The following YEATS2 variants were observed in gnomAD, a reference collection of about 807,000 sequenced individuals.
YEATS2 encodes YEATS domain-containing protein 2.
In YEATS2, 77 loss-of-function variants were observed where a neutral mutation model predicts 163.2. The observed-to-expected ratio is 0.47, with a 90% CI of 0.39 to 0.57. The LOEUF (loss-of-function observed/expected upper bound fraction) is 0.57. YEATS2 is among the 20% of genes least tolerant of loss of function. The pLI is 0.00. For missense variants in YEATS2, 1,549 were observed against 1,729.8 expected (o/e 0.90, Z 1.85); for synonymous variants, 631 against 645.1 (o/e 0.98, Z 0.33).
intron 9 of YEATS2, among the ~76,000 whole-genome samples, chr3:183,751,414 A>G (rs542514354): frequency 6.6e-6 from 1 of 152,238 alleles, no homozygotes; most frequent in Non-Finnish European, 1.5e-5. Context: ...TATTCATCAT[A>G]TAATAATCAG....
At chr3:183,777,292 G>A (rs1392461407) in intron 18 of YEATS2, among the ~76,000 whole-genome samples, 1 of 152,220 alleles carries the variant, frequency 6.6e-6, no homozygotes, top group East Asian at 1.9e-4. Context: ...TGAGGACTAA[G>A]TTGCAAAACA....
intron 7 of YEATS2, among the ~76,000 whole-genome samples, chr3:183,729,116 C>A (rs1206432433): frequency 2.0e-5 from 3 of 152,012 alleles, no homozygotes; most frequent in Non-Finnish European, 2.9e-5. Context: ...ACTAAAGATA[C>A]AAAAAATTAG....
chr3:183,761,480 G>A (rs143744957), intron 13 of YEATS2, 27 bp from the exon 14 acceptor site: 16 of 1,587,258 alleles, frequency 1.0e-5, no homozygotes, highest in African/African-American at 2.7e-5. Context: ...TCTCCTGATT[G>A]TAAAATATGT....
In YEATS2 at chr3:183,751,184, C is replaced by T. The variant is rs1194955553; in HGVS notation, c.970-889C>T. On this transcript the variant is annotated intron_variant, in intron 9 of 30. Transcript: ENST00000305135. ...ATATGGATATCCAGTTTCCCTGGCACCATTTGCTGAAAATACTGTCTTTTC... is the reference window on the plus strand; with the variant it reads ...ATATGGATATCCAGTTTCCCTGGCATCATTTGCTGAAAATACTGTCTTTTC... 3.3e-5 allele frequency among the ~76,000 whole-genome samples: 5 copies of T among 152,338 alleles called. No homozygotes were observed. In the South Asian group the frequency reaches 8.3e-4, roughly 25 times the overall value.
chr3:183,724,655 T>C (rs1314143150), intron 6 of YEATS2, 124 bp downstream of exon 6: 7 of 685,808 alleles, frequency 1.0e-5, no homozygotes, highest in Non-Finnish European at 1.6e-5. Flanking sequence ...CTTAGTTGTT[T>C]AAAAAGTAAA....
intron 12 of YEATS2, among the ~76,000 whole-genome samples, chr3:183,757,969 T>C (rs181376221): frequency 7.3e-4 from 111 of 152,320 alleles, no homozygotes; most frequent in African/African-American, 2.5e-3. Context: ...AGTAAATGAT[T>C]AAATACTATT....
intron 21 of YEATS2, among the ~76,000 whole-genome samples, chr3:183,792,413 G>T (rs1724743795): frequency 6.6e-6 from 1 of 152,126 alleles, no homozygotes; most frequent in Non-Finnish European, 1.5e-5. Context: ...TTCTGTTCCT[G>T]TGTTCGTTTG....
chr3:183,793,370 T>A (rs914356356), intron 21 of YEATS2: 131 of 1,089,818 alleles, frequency 1.2e-4, no homozygotes, highest in Non-Finnish European at 1.4e-4. Flanking sequence ...ACCTCCCTGT[T>A]AAAATTGACC....
rs1720786609 is a variant in YEATS2, at chr3:183,756,559, A to G, written c.1422A>G (p.Pro474=). ...GSPISTPSPS[P]LPRTPTSTPV... The stretch of plus-strand genomic sequence containing the variant: ...CAATATCAACTCCAAGCCCATCACC[A>G]TTGCCTCGAACCCCGACTTCCACTC... The change falls in exon 12 of 31, where the codon CCA becomes CCG. Residue 474 remains proline (P), a synonymous_variant. Transcript: ENST00000305135. 2 of 1,599,492 alleles carry G rather than the reference A, an allele frequency of 1.3e-6. No homozygotes were observed. The highest frequency in any genetic ancestry group is 1.3e-5 in the African/African-American group (1 of 74,332).
At chr3:183,732,499 T>C (rs1275629780) in intron 7 of YEATS2, among the ~76,000 whole-genome samples, 1 of 152,004 alleles carries the variant, frequency 6.6e-6, no homozygotes, top group African/African-American at 2.4e-5. Flanking sequence ...CCAGGGTCTA[T>C]CATAGTTCCT....
intron 20 of YEATS2, among the ~76,000 whole-genome samples, chr3:183,789,138 A>G (rs1724346621): frequency 6.6e-6 from 1 of 152,028 alleles, no homozygotes; most frequent in Non-Finnish European, 1.5e-5. Context: ...ATGTGATCCC[A>G]TTTATACATT....
Position 183,762,284 on chromosome 3 carries a change from G to A in YEATS2, c.1947+5G>A. 6.3e-7 allele frequency: 1 copy of A among 1,577,584 alleles called. No homozygotes were observed. The highest frequency in any genetic ancestry group is 1.8e-5 in the Admixed American group (1 of 54,600). ...GCAAAGGTTCAGCCCTCCAAGGTTTGTGTTGGGTAGAGATGGGAAATTTCA... is the reference window on the plus strand; with the variant it reads ...GCAAAGGTTCAGCCCTCCAAGGTTTATGTTGGGTAGAGATGGGAAATTTCA... On this transcript the variant is annotated splice_donor_5th_base_variant and intron_variant, in intron 15 of 30. Transcript: ENST00000305135.
Position 183,806,874 on chromosome 3 carries a change from T to C in YEATS2, c.3793T>C (p.Ser1265Pro). The C allele has an allele frequency of 1.2e-6, 2 of 1,613,920 alleles. No homozygotes were observed. Among genetic ancestry groups the C allele is most frequent in the Non-Finnish European group, 1.7e-6 (2 of 1,179,876 alleles). The change falls in exon 28 of 31, where the codon TCA becomes CCA. Residue 1265 changes from serine to proline, a missense_variant. Coordinates refer to ENST00000305135, the MANE Select transcript of YEATS2 (RefSeq NM_018023.5). ...GCTTGCCTGTCATTTAGAGTGCCCA[T>C]CATCATTCTCCTCTGCTGACAACCT... The part of the protein sequence containing the change: ...TQIDSEPECP[S>P]SFSSADNLCR...
chr3:183,702,835 A>C (rs550963106), intron 1 of YEATS2, among the ~76,000 whole-genome samples: 32 of 148,512 alleles, frequency 2.2e-4, no homozygotes, highest in African/African-American at 6.1e-4. Context: ...CTCTCTCTCA[A>C]AAAAAAAAAA....
chr3:183,711,208 T>C (rs573630914), intron 1 of YEATS2, among the ~76,000 whole-genome samples: 163 of 152,226 alleles, frequency 1.1e-3, no homozygotes, highest in South Asian at 4.4e-3. Flanking sequence ...CAGTGGCTCA[T>C]GCCTGTAATC....
In YEATS2 at chr3:183,806,779, C is replaced by T. The variant is rs2242123; in HGVS notation, c.3785-87C>T. 3 of 1,392,842 alleles carry T rather than the reference C, an allele frequency of 2.2e-6. No homozygotes were observed. The Admixed American group carries it at 5.9e-5, about 27-fold the overall frequency. 86.3% of individuals were successfully genotyped at this position (1,392,842 alleles called of 1,614,324 possible). Reference sequence around the variant, plus strand: ...GTCAGCTCCCCTGATGCTTATCCCCCTTCCTCAGACCATGGGTCTCTTGGA... The same window carrying T: ...GTCAGCTCCCCTGATGCTTATCCCCTTTCCTCAGACCATGGGTCTCTTGGA... On this transcript the variant is annotated intron_variant, in intron 27 of 30. Transcript: ENST00000305135.
At chr3:183,755,177 G>A (rs975610398) in intron 11 of YEATS2, among the ~76,000 whole-genome samples, 5 of 151,734 alleles carry the variant, frequency 3.3e-5, no homozygotes, top group Admixed American at 6.6e-5. Context: ...GTGCAATGGC[G>A]CGATCTCAGC....
intron 7 of YEATS2, among the ~76,000 whole-genome samples, chr3:183,732,169 G>A (rs182137733): frequency 9.7e-5 from 14 of 144,870 alleles, no homozygotes; most frequent in African/African-American, 3.3e-4. Context: ...CCCCAGGGTC[G>A]GCTGGGCACC....
intron 15 of YEATS2, among the ~76,000 whole-genome samples, chr3:183,767,466 C>T (rs184364501): frequency 2.0e-5 from 3 of 152,132 alleles, no homozygotes; most frequent in Admixed American, 1.3e-4. Flanking sequence ...CTACAACCTC[C>T]GCCTCTTGGG....
Sources: allele counts gnomAD v4.1 joint callset (sites outside exome capture counted in the v4.1 genomes callset), GRCh38; gene constraint gnomAD v4.1.1; transcripts MANE v1.5; gene names NCBI Gene and HGNC (gene_info 2026-07-23, HGNC 2026-07-21).